The following SCLT1 variants were observed in gnomAD, a reference collection of about 807,000 sequenced individuals.
SCLT1 encodes sodium channel and clathrin linker 1.
Under a neutral mutation model 112.8 loss-of-function variants are expected in SCLT1, and 78 were observed. The ratio of observed to expected loss-of-function variants is 0.69; its 90% CI spans 0.58 to 0.83. The LOEUF (loss-of-function observed/expected upper bound fraction) is 0.83. Among genes scored for constraint, SCLT1 ranks in the 40% least tolerant of loss-of-function variants. SCLT1 has a pLI of 0.00. For synonymous variants in SCLT1, 257 were observed against 254.7 expected (o/e 1.01, Z -0.09); for missense variants, 747 against 770.4 (o/e 0.97, Z 0.36).
At chr4:128,924,152 T>TA (rs1007623399) in intron 18 of SCLT1, among the ~76,000 whole-genome samples, 23 of 151,608 alleles carry the variant, frequency 1.5e-4, no homozygotes, top group Admixed American at 4.6e-4. Context: ...GTTGTAAGAT[T>TA]AAAAAAAAAT....
intron 8 of SCLT1, 108 bp from the exon 9 acceptor site, chr4:128,992,345 T>C (rs1394277144): frequency 1.1e-5 from 7 of 663,608 alleles, no homozygotes; most frequent in South Asian, 6.5e-5. Flanking sequence ...AGATTTATGA[T>C]AAAGATTAGA....
intron 2 of SCLT1, among the ~76,000 whole-genome samples, chr4:129,078,192 A>G (rs1751624416): frequency 6.6e-6 from 1 of 152,250 alleles, no homozygotes; most frequent in African/African-American, 2.4e-5. Context: ...AATCTTGTAA[A>G]GGAAGATTTG....
At chr4:128,878,250 G>A (rs1396950731) in intron 3 of SCLT1, among the ~76,000 whole-genome samples, 1 of 152,018 alleles carries the variant, frequency 6.6e-6, no homozygotes, top group Admixed American at 6.6e-5. Context: ...CTAATGTATC[G>A]CCAATGTGTC....
chr4:128,966,121 T>C (rs1351210843), intron 10 of SCLT1, among the ~76,000 whole-genome samples: 1 of 148,982 alleles, frequency 6.7e-6, no homozygotes, highest in Non-Finnish European at 1.5e-5. Context: ...TGAGCCACCG[T>C]GCTTGGCCAA....
At chr4:128,905,088 G>A (rs1374243557) in intron 18 of SCLT1, among the ~76,000 whole-genome samples, 2 of 151,946 alleles carry the variant, frequency 1.3e-5, no homozygotes, top group Non-Finnish European at 2.9e-5. Flanking sequence ...TACTTGACAC[G>A]TTTACTAGAA....
At chr4:128,989,202 G>C (rs556391723) in intron 9 of SCLT1, among the ~76,000 whole-genome samples, 2 of 151,864 alleles carry the variant, frequency 1.3e-5, no homozygotes, top group Non-Finnish European at 3.0e-5. Context: ...ATATTAAACA[G>C]TCTCAAGGAC....
chr4:129,079,441 G>T (rs1025813494), intron 2 of SCLT1, among the ~76,000 whole-genome samples: 1 of 152,170 alleles, frequency 6.6e-6, no homozygotes, highest in Non-Finnish European at 1.5e-5. Flanking sequence ...AGGCCGCGGG[G>T]CATGTCCAAA....
rs1160796175 is a variant in SCLT1, at chr4:129,003,777, G to A, written c.390C>T (p.Val130=). ...GTDIYADDET[V]RNLQEQLQLA... ...GCTGCAATTGTTCTTGAAGGTTTCT[G>A]ACTGTTTCATCATCTGCATATATGT... Residue 130 remains valine, a synonymous_variant, in exon 6 of 21, where the codon GTC becomes GTT. Transcript: ENST00000281142. 1 of 1,610,288 alleles carries A rather than the reference G, an allele frequency of 6.2e-7. No individual in the cohort carries two copies. The highest frequency in any genetic ancestry group is 1.7e-5 in the Admixed American group (1 of 59,354).
At chr4:128,920,887 T>C (rs936700512) in intron 18 of SCLT1, among the ~76,000 whole-genome samples, 3 of 152,178 alleles carry the variant, frequency 2.0e-5, no homozygotes, top group Non-Finnish European at 2.9e-5. Context: ...TGTTTATGGA[T>C]GATATAATTC....
At chr4:129,045,701 C>T (rs1748118047) in intron 2 of SCLT1, among the ~76,000 whole-genome samples, 2 of 151,986 alleles carry the variant, frequency 1.3e-5, no homozygotes, top group Admixed American at 6.6e-5. Context: ...CTGTAATGTT[C>T]TGGCTTTTTG....
At chr4:128,909,235 C>T (rs895034709) in intron 18 of SCLT1, among the ~76,000 whole-genome samples, 2 of 152,116 alleles carry the variant, frequency 1.3e-5, no homozygotes, top group Non-Finnish European at 2.9e-5. Context: ...TCCATTATCA[C>T]ACTGGCTTAT....
At chr4:128,890,980 G>T in intron 19 of SCLT1, 79 bp downstream of exon 19, 1 of 938,734 alleles carries the variant, frequency 1.1e-6, no homozygotes, top group Non-Finnish European at 1.7e-6. Flanking sequence ...AAATAATTTG[G>T]ATTTGGCTCA....
chr4:128,890,987 C>T (rs988962593), intron 19 of SCLT1, 72 bp downstream of exon 19: 1 of 1,047,618 alleles, frequency 9.5e-7, no homozygotes, highest in Non-Finnish European at 1.5e-6. Context: ...TTGGATTTGG[C>T]TCAGGTAAAA....
intron 2 of SCLT1, among the ~76,000 whole-genome samples, chr4:129,061,373 G>A (rs995488237): frequency 6.6e-6 from 1 of 152,084 alleles, no homozygotes. Context: ...CAGGGAAGCA[G>A]GGTATGAGAT....
intron 2 of SCLT1, among the ~76,000 whole-genome samples, chr4:129,063,390 A>C (rs1295429813): frequency 6.6e-6 from 1 of 152,246 alleles, no homozygotes; most frequent in Non-Finnish European, 1.5e-5. Flanking sequence ...AATTCCTAAG[A>C]CTATATGCTT....
At chr4:128,947,199 T>TA (rs1014777868) in intron 15 of SCLT1, among the ~76,000 whole-genome samples, 1 of 152,218 alleles carries the variant, frequency 6.6e-6, no homozygotes, top group Non-Finnish European at 1.5e-5. Flanking sequence ...GCTTTCTCTT[T>TA]ACCTGTTGTC....
At position 129,043,413 on chromosome 4, in the gene SCLT1, C is replaced by T. The variant is rs1276619753; in HGVS notation, c.216G>A (p.Gly72=). Reference sequence around the variant, plus strand: ...TTCATACCTGGTAATATTTCAGCTGCCCATTTAGTTCTCCTAGGTGTTTAT... The same window carrying T: ...TTCATACCTGGTAATATTTCAGCTGTCCATTTAGTTCTCCTAGGTGTTTAT... ...EYDKHLGELN[G]QLKYYQKQVG... The change falls in exon 4 of 21, where the codon GGG becomes GGA. Residue 72 remains glycine, a synonymous_variant. Coordinates refer to ENST00000281142, the MANE Select transcript of SCLT1 (RefSeq NM_144643.4). 3.9e-6 allele frequency: 6 copies of T among 1,527,260 alleles called. No homozygotes were observed. Among genetic ancestry groups the T allele is most frequent in the Non-Finnish European group, 5.4e-6 (6 of 1,112,070 alleles). The allele number at this position is 1,527,260 out of a possible 1,614,324, so 94.6% of individuals were successfully genotyped here.
chr4:128,993,360 T>C (rs967636822), intron 8 of SCLT1, among the ~76,000 whole-genome samples: 1 of 152,078 alleles, frequency 6.6e-6, no homozygotes, highest in Non-Finnish European at 1.5e-5. Flanking sequence ...ATTGAGTACA[T>C]CACAGGCACA....
At chr4:129,050,692 C>G (rs1227386913) in intron 2 of SCLT1, among the ~76,000 whole-genome samples, 1 of 152,186 alleles carries the variant, frequency 6.6e-6, no homozygotes. Flanking sequence ...CCTGTTCACT[C>G]TGATGATAGT....
Sources: allele counts gnomAD v4.1 joint callset (sites outside exome capture counted in the v4.1 genomes callset), GRCh38; gene constraint gnomAD v4.1.1; transcripts MANE v1.5; gene names NCBI Gene and HGNC (gene_info 2026-07-23, HGNC 2026-07-21).